DRC4: variants seen among roughly 807,000 people sequenced by gnomAD.
DRC4 encodes the protein dynein regulatory complex subunit 4, also known as GAS-11.
chr16:90,031,368 C>G, the DRC4 span: 120 of 1,613,086 alleles, frequency 7.4e-5, no homozygotes, highest in South Asian at 1.2e-3. Flanking sequence ...CTACTTCCAG[C>G]TGGAGCGGGA....
At chr16:90,023,600 G>T in the DRC4 span, among the ~76,000 whole-genome samples, 1 of 137,660 alleles carries the variant, frequency 7.3e-6, no homozygotes, top group Non-Finnish European at 1.7e-5. Context: ...GGAGTGGAGG[G>T]ATTAAAAAGA....
the DRC4 span, chr16:90,027,788 C>T: frequency 3.8e-4 from 539 of 1,415,122 alleles, 2 homozygotes; most frequent in African/African-American, 6.2e-3. Flanking sequence ...AGGGTGCCTA[C>T]GCCGAGTGTC....
At chr16:90,029,459 A>C in the DRC4 span, 4 of 561,876 alleles carry the variant, frequency 7.1e-6, no homozygotes, top group Non-Finnish European at 1.1e-5. Context: ...AGTGATGGCA[A>C]AATCTCAACA....
chr16:90,023,865 G>A, the DRC4 span, among the ~76,000 whole-genome samples: 2 of 140,916 alleles, frequency 1.4e-5, no homozygotes, highest in African/African-American at 5.0e-5. Flanking sequence ...GGTGGCGTGT[G>A]CCTGTAGTTC....
chr16:90,019,866 C>A, the DRC4 span: 2 of 678,576 alleles, frequency 2.9e-6, no homozygotes, highest in African/African-American at 1.8e-5. This position sits in a 1 kb window ranked among gnomAD's most constrained non-coding sequence, Gnocchi z 6.1. Context: ...GACAGACTCA[C>A]AGAGCGCCCT....
the DRC4 span, chr16:90,031,405 C>A: frequency 1.2e-6 from 2 of 1,613,862 alleles, no homozygotes; most frequent in Non-Finnish European, 1.7e-6. Flanking sequence ...TGGGAGATCA[C>A]ACGGAGGCAG....
chr16:90,027,781 G>T, the DRC4 span: 1 of 1,506,288 alleles, frequency 6.6e-7, no homozygotes, highest in Non-Finnish European at 9.2e-7. Context: ...ACCACGCAGG[G>T]TGCCTACGCC....
chr16:90,025,399 C>T, the DRC4 span, among the ~76,000 whole-genome samples: 174 of 151,350 alleles, frequency 1.1e-3, no homozygotes, highest in African/African-American at 3.5e-3. Context: ...CGCCTGTAAT[C>T]CCAGCACTTT....
At chr16:90,022,768 C>T in the DRC4 span, 1 of 1,334,244 alleles carries the variant, frequency 7.5e-7, no homozygotes, top group Non-Finnish European at 9.6e-7. Flanking sequence ...GGCAGGGGCC[C>T]GGAGACCTCG....
At chr16:90,028,240 A>C in the DRC4 span, among the ~76,000 whole-genome samples, 4 of 119,340 alleles carry the variant, frequency 3.4e-5, no homozygotes, top group East Asian at 2.6e-4. Flanking sequence ...GCTGGAGTGC[A>C]GTGGCGCGAT....
At chr16:90,040,068 G>C in the DRC4 span, 1 of 569,582 alleles carries the variant, frequency 1.8e-6, no homozygotes, top group East Asian at 3.0e-5. Flanking sequence ...ACACCTTCCT[G>C]AGAGAAGGGC....
At chr16:90,042,392 C>G in the DRC4 span, 2 of 1,166,398 alleles carry the variant, frequency 1.7e-6, no homozygotes, top group Non-Finnish European at 2.6e-6. Context: ...CTCAGAACGC[C>G]CACTGGAGTC....
chr16:90,033,058 T>G, the DRC4 span: 1 of 938,262 alleles, frequency 1.1e-6, no homozygotes, highest in African/African-American at 1.7e-5. Flanking sequence ...TTTTGCAATT[T>G]GTTGAAAAAA....
the DRC4 span, among the ~76,000 whole-genome samples, chr16:90,030,861 T>A: frequency 6.6e-6 from 1 of 152,098 alleles, no homozygotes; most frequent in African/African-American, 2.4e-5. Context: ...CGAGGGATCC[T>A]TCAACCTCAG....
chr16:90,042,778 C>T, the DRC4 span: 24 of 547,612 alleles, frequency 4.4e-5, no homozygotes, highest in Admixed American at 1.9e-4. Context: ...GGGACCTGGA[C>T]GCTTCCCTGG....
the DRC4 span, chr16:90,044,940 T>TAACTC: frequency 0.064 from 12,675 of 198,606 alleles, 476 homozygotes; most frequent in East Asian, 0.14. Flanking sequence ...TTTAAAAACT[T>TAACTC]ATAAAGTGGA....
the DRC4 span, among the ~76,000 whole-genome samples, chr16:90,041,287 C>A: frequency 6.6e-6 from 1 of 152,172 alleles, no homozygotes; most frequent in African/African-American, 2.4e-5. Flanking sequence ...AGTGAGGAAT[C>A]TTCTGGGGAA....
At chr16:90,029,372 A>G in the DRC4 span, 1 of 1,214,518 alleles carries the variant, frequency 8.2e-7, no homozygotes, top group South Asian at 1.3e-5. Flanking sequence ...TTGTGGGCCT[A>G]GGAGTTCAGT....
chr16:90,037,539 G>A, the DRC4 span: 22 of 1,098,916 alleles, frequency 2.0e-5, no homozygotes, highest in South Asian at 1.3e-4. Context: ...TCTCTGCCTC[G>A]TGTTCTCCTG....
Sources: gnomAD v4.1 joint callset for allele counts (sites outside exome capture counted in the v4.1 genomes callset) on GRCh38, gnomAD v4.1.1 for gene constraint, Gnocchi (gnomAD v3.1) non-coding constraint, MANE v1.5 for transcripts, NCBI Gene and HGNC (gene_info 2026-07-23, HGNC 2026-07-21) for gene names.